Variants in APBB2 observed in about 807,000 individuals in gnomAD.
APBB2 encodes the protein amyloid beta precursor protein binding family B member 2, also known as Fe65-like 1.
APBB2 carries 38 observed loss-of-function variants against 82.5 expected under a neutral mutation model. The ratio of observed to expected loss-of-function variants is 0.46; its 90% CI spans 0.36 to 0.60. APBB2 has a LOEUF of 0.60. Ranked by LOEUF, APBB2 falls within the 20% of genes least tolerant of loss-of-function variation. APBB2 has a pLI of 0.00. For synonymous variants in APBB2, 341 were observed against 368.2 expected (o/e 0.93, Z 0.85); for missense variants, 772 against 972.3 (o/e 0.79, Z 2.74).
At position 40,882,823 on chromosome 4, in the gene APBB2, C is replaced by T. The variant is rs533547395; in HGVS notation, c.1529+7541G>A. 4.2e-4 allele frequency among the ~76,000 whole-genome samples: 64 copies of T among 152,340 alleles called. 1 individual carries two copies. Among genetic ancestry groups the T allele is most frequent in the African/African-American group, 1.2e-3 (50 of 41,562 alleles). ...AGAAACTTGAGGTGACTGGTTTTCACACTGCGTCGGAACGTTAGCTGTTAA... is the reference window on the plus strand; with the variant it reads ...AGAAACTTGAGGTGACTGGTTTTCATACTGCGTCGGAACGTTAGCTGTTAA... On this transcript the variant is annotated intron_variant, in intron 12 of 17. Coordinates refer to ENST00000508593, the MANE Select transcript of APBB2 (RefSeq NM_004307.2).
chr4:41,109,677 A>G (rs1428019245), intron 2 of APBB2, among the ~76,000 whole-genome samples: 1 of 152,140 alleles, frequency 6.6e-6, no homozygotes, highest in East Asian at 1.9e-4. Flanking sequence ...TCACCATGTT[A>G]GCCAGGATGG....
At chr4:40,926,106 A>G (rs1351094386) in intron 10 of APBB2, among the ~76,000 whole-genome samples, 1 of 152,264 alleles carries the variant, frequency 6.6e-6, no homozygotes, top group East Asian at 1.9e-4. Context: ...AAGATACTGC[A>G]TAGAAAGACT....
At chr4:40,852,709 C>T (rs1293999324) in intron 12 of APBB2, among the ~76,000 whole-genome samples, 3 of 152,104 alleles carry the variant, frequency 2.0e-5, no homozygotes, top group Middle Eastern at 3.4e-3. Flanking sequence ...GGCGCGATCT[C>T]AGCTCACTGC....
intron 5 of APBB2, among the ~76,000 whole-genome samples, chr4:41,028,945 T>A (rs1715581673): frequency 1.3e-5 from 2 of 152,196 alleles, no homozygotes; most frequent in South Asian, 4.1e-4. Flanking sequence ...CTTTAGCCTT[T>A]TGTCAAAGAA....
chr4:41,149,552 T>A (rs1227686939), intron 1 of APBB2, among the ~76,000 whole-genome samples: 1 of 152,126 alleles, frequency 6.6e-6, no homozygotes, highest in African/African-American at 2.4e-5. Context: ...TGAAAATCCA[T>A]GCACTCAACA....
chr4:41,160,474 G>C (rs1412524002), intron 1 of APBB2, among the ~76,000 whole-genome samples: 1 of 152,206 alleles, frequency 6.6e-6, no homozygotes, highest in Non-Finnish European at 1.5e-5. Context: ...TCAGGGAGCT[G>C]AAGATTGCAG....
chr4:40,901,909 A>ATATGTGTGTGTGTGTGTG (rs766567645), intron 10 of APBB2, among the ~76,000 whole-genome samples: 34 of 145,542 alleles, frequency 2.3e-4, no homozygotes, highest in African/African-American at 8.7e-4. Context: ...ATCCAAAATT[A>ATATGTGTGTGTGTGTGTG]TGTGTGTGTG....
intron 12 of APBB2, chr4:40,848,999 G>T: frequency 1.6e-6 from 1 of 623,284 alleles, no homozygotes; most frequent in South Asian, 7.1e-5. Flanking sequence ...CCACTGTCTG[G>T]CACATAGTAG....
chr4:40,850,421 T>A (rs1758972423), intron 12 of APBB2, among the ~76,000 whole-genome samples: 1 of 152,202 alleles, frequency 6.6e-6, no homozygotes, highest in Non-Finnish European at 1.5e-5. Context: ...GGAATTCTCT[T>A]TGGGGGCTAA....
chr4:40,877,743 C>T (rs1225605282), intron 12 of APBB2, among the ~76,000 whole-genome samples: 1 of 152,168 alleles, frequency 6.6e-6, no homozygotes, highest in Non-Finnish European at 1.5e-5. Flanking sequence ...TCTAGTGTTG[C>T]TTCCAACAAA....
intron 1 of APBB2, among the ~76,000 whole-genome samples, chr4:41,207,632 T>C (rs193031639): frequency 3.3e-5 from 5 of 152,280 alleles, no homozygotes; most frequent in Admixed American, 6.5e-5. Context: ...CAAGCTATAA[T>C]TCAAAAATAG....
intron 1 of APBB2, among the ~76,000 whole-genome samples, chr4:41,181,894 C>T (rs1468722103): frequency 2.1e-5 from 3 of 139,592 alleles, no homozygotes; most frequent in African/African-American, 5.4e-5. Context: ...TGCGGTGAGT[C>T]GAGATCACGC....
Position 41,014,371 on chromosome 4 carries a change from A to G in APBB2, c.47T>C (p.Val16Ala), listed in dbSNP as rs370307533. The G allele has an allele frequency of 5.6e-6, 9 of 1,614,008 alleles. No homozygotes were observed. The highest frequency in any genetic ancestry group is 1.1e-5 in the South Asian group (1 of 91,084). Residue 16 changes from valine to alanine, a missense_variant, in exon 6 of 18, where the codon GTG (valine) becomes GCG (alanine). Physicochemically the swap from Val to Ala is moderately conservative, Grantham distance 64 (BLOSUM62 0). Coordinates refer to ENST00000508593, the MANE Select transcript of APBB2 (RefSeq NM_004307.2). ...TGTAGTTCCGCTGCTGGCCATAAAC[A>G]CTGCCAAGGTGTCAACACCTGAGTC... is the stretch of plus-strand genomic sequence containing the variant. ...PADSGVDTLA[V>A]FMASSGTTDV...
chr4:41,022,040 T>A (rs1003838132), intron 5 of APBB2, among the ~76,000 whole-genome samples: 2 of 152,162 alleles, frequency 1.3e-5, no homozygotes, highest in Non-Finnish European at 2.9e-5. Context: ...ACACACCATC[T>A]TTAAGAGCTG....
intron 2 of APBB2, among the ~76,000 whole-genome samples, chr4:41,141,334 G>C (rs202077556): frequency 3.0e-5 from 3 of 99,018 alleles, no homozygotes; most frequent in African/African-American, 1.1e-4. Flanking sequence ...GTGTGTGTCT[G>C]TGTGTGTGTG....
At chr4:41,201,030 G>A (rs756114662) in intron 1 of APBB2, among the ~76,000 whole-genome samples, 12 of 152,104 alleles carry the variant, frequency 7.9e-5, no homozygotes, top group Non-Finnish European at 1.5e-4. Flanking sequence ...GATTATAACA[G>A]TATCTACCTC....
chr4:40,856,777 C>A (rs1339066744), intron 12 of APBB2, among the ~76,000 whole-genome samples: 1 of 152,230 alleles, frequency 6.6e-6, no homozygotes, highest in African/African-American at 2.4e-5. Context: ...GACGCCTCCC[C>A]CCCATTTCAT....
At chr4:41,160,775 C>T (rs1055153044) in intron 1 of APBB2, among the ~76,000 whole-genome samples, 10 of 152,164 alleles carry the variant, frequency 6.6e-5, no homozygotes, top group Non-Finnish European at 1.2e-4. Flanking sequence ...GTGCTTAAAC[C>T]TCAACATGCC....
At chr4:40,983,929 G>A (rs1237914973) in intron 6 of APBB2, among the ~76,000 whole-genome samples, 2 of 152,040 alleles carry the variant, frequency 1.3e-5, no homozygotes, top group Non-Finnish European at 2.9e-5. Context: ...TCTTGTAAGG[G>A]AAAAAAATTT....
Sources: allele counts gnomAD v4.1 joint callset (sites outside exome capture counted in the v4.1 genomes callset), GRCh38; gene constraint gnomAD v4.1.1; transcripts MANE v1.5; gene names NCBI Gene and HGNC (gene_info 2026-07-23, HGNC 2026-07-21).